Variants in ANO2 observed in about 807,000 individuals in gnomAD.
ANO2 encodes the protein anoctamin-2.
ANO2 carries 101 observed loss-of-function variants against 124.2 expected under a neutral mutation model. That is an observed-to-expected ratio of 0.81 (90% CI 0.69 to 0.96). The LOEUF is 0.96. Among genes scored for constraint, ANO2 ranks in the 40% least tolerant of loss-of-function variants. ANO2 has a pLI of 0.00. For missense variants in ANO2, 1,293 were observed against 1,274.5 expected, an observed-to-expected ratio of 1.01 and a Z score of -0.22; for synonymous variants, 486 against 482.5, an observed-to-expected ratio of 1.01 and a Z score of -0.09.
intron 4 of ANO2, among the ~76,000 whole-genome samples, chr12:5,837,290 TTTC>T (rs1191031927): frequency 1.2e-5 from 1 of 80,032 alleles, no homozygotes; most frequent in Admixed American, 1.2e-4. Context: ...TTGATGCAGA[TTTC>T]TTTTTTTTTT....
chr12:5,878,573 A>T (rs1938268412), intron 3 of ANO2, among the ~76,000 whole-genome samples: 1 of 152,232 alleles, frequency 6.6e-6, no homozygotes, highest in Admixed American at 6.5e-5. Flanking sequence ...GCTGGATTCA[A>T]ATAACATAGA....
At chr12:5,657,038 G>T (rs544114396) in intron 14 of ANO2, among the ~76,000 whole-genome samples, 20 of 152,312 alleles carry the variant, frequency 1.3e-4, no homozygotes, top group South Asian at 4.2e-4. Flanking sequence ...TGTGGATGGA[G>T]AAGGTTGGCA....
chr12:5,944,989 CAA>C (rs1451485231), intron 1 of ANO2, among the ~76,000 whole-genome samples: 159 of 151,304 alleles, frequency 1.1e-3, no homozygotes, highest in African/African-American at 3.8e-3. Flanking sequence ...CAAAACAAAA[CAA>C]AAAACAAAAA....
intron 7 of ANO2, among the ~76,000 whole-genome samples, chr12:5,808,340 T>C (rs1565684488): frequency 6.6e-6 from 1 of 152,252 alleles, no homozygotes; most frequent in Non-Finnish European, 1.5e-5. Context: ...CTGCGCAGCA[T>C]AAAGTCGTCG....
chr12:5,827,694 G>A (rs1409115211), intron 7 of ANO2, 75 bp downstream of exon 7: 2 of 1,496,508 alleles, frequency 1.3e-6, no homozygotes, highest in African/African-American at 1.4e-5. Context: ...TGCCGACCAA[G>A]GGAGCTGTTG....
intron 1 of ANO2, among the ~76,000 whole-genome samples, chr12:5,935,335 T>C (rs918326513): frequency 6.6e-6 from 1 of 152,170 alleles, no homozygotes; most frequent in Non-Finnish European, 1.5e-5. Context: ...GGTAACACCA[T>C]GTGAAAGTCG....
At position 5,877,917 on chromosome 12, in the gene ANO2, G is replaced by T. The variant is rs774274249; in HGVS notation, c.535-23776C>A. Among the ~76,000 whole-genome samples the T allele has an allele frequency of 1.3e-3, 205 of 152,338 alleles. 1 individual carries two copies. The highest frequency in any genetic ancestry group is 1.4e-3 in the Non-Finnish European group (97 of 68,040). ...GCTCAGGCAGTAATGTGAGTGATGG[G>T]GAGTGGCTGTAAATACAGATGAAGC... On this transcript the variant is annotated intron_variant, in intron 3 of 24. Coordinates refer to ENST00000682330, the MANE Select transcript of ANO2 (RefSeq NM_001364791.2).
intron 23 of ANO2, among the ~76,000 whole-genome samples, chr12:5,568,596 A>G (rs1350095873): frequency 6.6e-6 from 1 of 152,220 alleles, no homozygotes; most frequent in African/African-American, 2.4e-5. Context: ...AGTCGGGCTT[A>G]TCAAATGTTT....
intron 19 of ANO2, 68 bp from the exon 20 acceptor site, chr12:5,599,697 A>C: frequency 6.5e-7 from 1 of 1,540,978 alleles, no homozygotes; most frequent in Non-Finnish European, 8.8e-7. Flanking sequence ...AGACAGAAAA[A>C]AGAAAAAGAA....
At chr12:5,574,804 C>T (rs1212220913) in intron 23 of ANO2, among the ~76,000 whole-genome samples, 1 of 152,198 alleles carries the variant, frequency 6.6e-6, no homozygotes, top group East Asian at 1.9e-4. Flanking sequence ...TTCCCTGACA[C>T]TAAAAAAGTC....
At chr12:5,919,739 G>C (rs147672107) in intron 3 of ANO2, among the ~76,000 whole-genome samples, 22,938 of 151,720 alleles carry the variant, frequency 0.15, 1,966 homozygotes, top group Middle Eastern at 0.21. Context: ...GCTCTGTCAC[G>C]CAGGCTGGAG....
chr12:5,684,105 T>A (rs1007355079), intron 14 of ANO2, among the ~76,000 whole-genome samples: 2 of 152,132 alleles, frequency 1.3e-5, no homozygotes, highest in Non-Finnish European at 2.9e-5. Context: ...AGGCCAAGTA[T>A]ATGCCCTGGG....
At chr12:5,785,012 T>C (rs905024456) in intron 10 of ANO2, among the ~76,000 whole-genome samples, 5 of 152,176 alleles carry the variant, frequency 3.3e-5, no homozygotes, top group African/African-American at 1.2e-4. Context: ...TTGTTGGAGT[T>C]GCAAGAGCAT....
In ANO2 at chr12:5,921,587, G is replaced by A. The variant is rs115612152; in HGVS notation, c.208-221C>T. Among the ~76,000 whole-genome samples, 300 of 152,162 alleles carry A rather than the reference G, an allele frequency of 2.0e-3. 1 individual carries two copies. Among genetic ancestry groups the A allele is most frequent in the African/African-American group, 6.3e-3 (263 of 41,502 alleles). ...CCCACCTGTTGACAGTCTGGGCATC[G>A]GTGCCTTCACACATGCTCCAGCATC... On this transcript the variant is annotated intron_variant, in intron 2 of 24. Transcript: ENST00000682330.
intron 14 of ANO2, among the ~76,000 whole-genome samples, chr12:5,690,621 C>T (rs1409230297): frequency 6.6e-6 from 1 of 152,112 alleles, no homozygotes; most frequent in Non-Finnish European, 1.5e-5. Context: ...CCCAGGGGCA[C>T]CTTAAGCATC....
intron 3 of ANO2, among the ~76,000 whole-genome samples, chr12:5,920,786 G>A (rs1456190670): frequency 2.0e-5 from 3 of 152,102 alleles, no homozygotes; most frequent in South Asian, 2.1e-4. Flanking sequence ...AGAATGGCAG[G>A]AACCCAGGAG....
rs1173337511 is a variant in ANO2 at position 5,563,258 on chromosome 12, G to A, written c.*41C>T. The A allele has an allele frequency of 1.3e-6, 2 of 1,566,500 alleles. No homozygotes were observed. The highest frequency in any genetic ancestry group is 2.3e-5 in the South Asian group (2 of 85,916). ...GGAACATGCTTACGTGCATGTGCGT[G>A]TCTCTGCTGCCGTGCCCTCCTCTGC... On this transcript the variant is annotated 3_prime_UTR_variant, in exon 25 of 25. Coordinates refer to ENST00000682330, the MANE Select transcript of ANO2 (RefSeq NM_001364791.2).
chr12:5,671,313 C>T (rs1049493774), intron 14 of ANO2, among the ~76,000 whole-genome samples: 1 of 152,150 alleles, frequency 6.6e-6, no homozygotes, highest in African/African-American at 2.4e-5. Flanking sequence ...ATACATAACA[C>T]ACAGGGCTTC....
At chr12:5,697,117 T>C (rs1193348492) in intron 14 of ANO2, among the ~76,000 whole-genome samples, 1 of 152,066 alleles carries the variant, frequency 6.6e-6, no homozygotes, top group Non-Finnish European at 1.5e-5. Flanking sequence ...ACAGTAGAAC[T>C]AGAAAAGGAA....
Sources: gnomAD v4.1 joint callset for allele counts (sites outside exome capture counted in the v4.1 genomes callset) on GRCh38, gnomAD v4.1.1 for gene constraint, MANE v1.5 for transcripts, NCBI Gene and HGNC (gene_info 2026-07-23, HGNC 2026-07-21) for gene names.